The following SYCE1 variants were observed in gnomAD, a reference collection of about 807,000 sequenced individuals.
SYCE1 encodes the protein synaptonemal complex central element protein 1.
In SYCE1, 37 loss-of-function variants were observed where a neutral mutation model predicts 55.1. The observed-to-expected ratio is 0.67, with a 90% CI of 0.52 to 0.88. SYCE1 has a LOEUF of 0.88. Ranked by LOEUF, SYCE1 falls within the 40% of genes least tolerant of loss-of-function variation. The probability of loss-of-function intolerance (pLI) is 0.00; values close to 1 mark genes in which losing one functional copy is unlikely to be tolerated. For synonymous variants in SYCE1, 163 were observed against 159.4 expected (o/e 1.02, Z -0.17); for missense variants, 399 against 416.4 (o/e 0.96, Z 0.36).
At chr10:133,556,949 A>G in intron 7 of SYCE1, 118 bp downstream of exon 7, 1 of 1,483,562 alleles carries the variant, frequency 6.7e-7, no homozygotes, top group Non-Finnish European at 9.4e-7. Context: ...CACTGGGAAC[A>G]TCTTCACCAC....
chr10:133,555,076 C>T lies in SYCE1; in HGVS notation c.972G>A (p.Gly324=), dbSNP rs1851622876. 2.6e-6 allele frequency: 4 copies of T among 1,551,298 alleles called. No individual in the cohort carries two copies. The highest frequency in any genetic ancestry group is 4.9e-5 in the East Asian group (2 of 40,932). The change falls in exon 13 of 13, where the codon GGG becomes GGA. Residue 324 remains glycine, a synonymous_variant. Coordinates refer to ENST00000343131, the MANE Select transcript of SYCE1 (RefSeq NM_001143764.3). ...CCTCCTGGCCTATGAGGACATCAGG[C>T]CCTGCTTGGTGTGCAGCTCCAGGTC... ...GERPGAAHQA[G]PDVLIGQEDT...
At chr10:133,564,198 A>G (rs915253797) in intron 1 of SYCE1, among the ~76,000 whole-genome samples, 2 of 152,162 alleles carry the variant, frequency 1.3e-5, no homozygotes, top group Non-Finnish European at 2.9e-5. Flanking sequence ...TAGTGCCCTT[A>G]TAAGACCAGA....
chr10:133,554,330 TGTC>T (rs1564854166), downstream of SYCE1: 1 of 1,614,032 alleles, frequency 6.2e-7, no homozygotes. Flanking sequence ...TCTGGGAGCC[TGTC>T]AAGAAAAGGG....
At chr10:133,567,329 G>A (rs1263652437), upstream of SYCE1, among the ~76,000 whole-genome samples, 1 of 151,652 alleles carries the variant, frequency 6.6e-6, no homozygotes, top group Non-Finnish European at 1.5e-5. Flanking sequence ...TTAGGCTTAG[G>A]GTTTAGTGCT....
intron 1 of SYCE1, among the ~76,000 whole-genome samples, chr10:133,564,834 G>A (rs554712435): frequency 1.4e-4 from 21 of 152,330 alleles, no homozygotes; most frequent in Admixed American, 3.3e-4. Context: ...GTCCTGAAGT[G>A]GAAACGGCCA....
At position 133,555,112 on chromosome 10, in the gene SYCE1, T is replaced by C. The variant is rs1851624325; in HGVS notation, c.936A>G (p.Leu312=). The change falls in exon 13 of 13, where the codon CTA becomes CTG. Residue 312 remains leucine (L), a synonymous_variant. Coordinates refer to ENST00000343131, the MANE Select transcript of SYCE1 (RefSeq NM_001143764.3). ...GPGDVASPKP[L]KGERPGAAHQ... Reference sequence around the variant, plus strand: ...GTGCAGCTCCAGGTCTTTCTCCTTTTAGGGGCTTGGGACTGGCCTGCAGGA... The same window carrying C: ...GTGCAGCTCCAGGTCTTTCTCCTTTCAGGGGCTTGGGACTGGCCTGCAGGA... The C allele has an allele frequency of 6.5e-7, 1 of 1,550,066 alleles. No individual in the cohort carries two copies. The highest frequency in any genetic ancestry group is 8.7e-7 in the Non-Finnish European group (1 of 1,146,564).
chr10:133,566,612 G>GT (rs770657802), upstream of SYCE1, among the ~76,000 whole-genome samples: 3 of 100,500 alleles, frequency 3.0e-5, no homozygotes, highest in Non-Finnish European at 7.1e-5. Flanking sequence ...TGGGGTTAGG[G>GT]TATTGGGGTT....
intron 6 of SYCE1, 148 bp downstream of exon 6, chr10:133,557,716 G>A: frequency 3.7e-6 from 3 of 819,894 alleles, no homozygotes; most frequent in Non-Finnish European, 5.9e-6. Flanking sequence ...CCAGCTGTTG[G>A]AGCCGAAGGG....
upstream of SYCE1, chr10:133,565,708 G>A (rs1167849344): frequency 1.7e-6 from 1 of 590,508 alleles, no homozygotes; most frequent in Non-Finnish European, 2.8e-6. Flanking sequence ...ATGCGTAAAG[G>A]CGCGAGGGCT....
At position 133,560,092 on chromosome 10, in the gene SYCE1, T is replaced by A; in HGVS notation, c.135A>T (p.Lys45Asn). Residue 45 changes from lysine to asparagine, a missense_variant and splice_region_variant, in exon 2 of 13, where the codon AAA (lysine) becomes AAT (asparagine). Transcript: ENST00000343131. ...CCTCACACAAAGGAGACACACGACC[T>A]TTCTGCAGCTTTTGCACCATTTCCA... is the stretch of plus-strand genomic sequence containing the variant. ...DLMEMVQKLQ[K>N]VGSLEPRVEV... The A allele has an allele frequency of 6.2e-7, 1 of 1,614,042 alleles. No individual in the cohort carries two copies. The highest frequency in any genetic ancestry group is 8.5e-7 in the Non-Finnish European group (1 of 1,179,930).
chr10:133,554,388 G>C, downstream of SYCE1: 1 of 1,486,094 alleles, frequency 6.7e-7, no homozygotes, highest in Non-Finnish European at 9.4e-7. Flanking sequence ...AGGAGATGCA[G>C]ACTTTGACTC....
At position 133,555,626 on chromosome 10, in the gene SYCE1, C is replaced by T; in HGVS notation, c.801G>A (p.Lys267=). Residue 267 remains lysine, a synonymous_variant, in exon 11 of 13, where the codon AAG becomes AAA. Coordinates refer to ENST00000343131, the MANE Select transcript of SYCE1 (RefSeq NM_001143764.3). ...AAQRHQQLQQ[K]CQQQQQKRQR... is the part of the protein sequence containing the mutation. Reference sequence around the variant, plus strand: ...GCCGCTTCTGCTGCTGTTGTTGGCACTTCTGCTGCAGCTGCTGGTGGCGCT... The same window carrying T: ...GCCGCTTCTGCTGCTGTTGTTGGCATTTCTGCTGCAGCTGCTGGTGGCGCT... 1 of 1,606,174 alleles carries T rather than the reference C, an allele frequency of 6.2e-7. No individual in the cohort carries two copies. Among genetic ancestry groups the T allele is most frequent in the Non-Finnish European group, 8.5e-7 (1 of 1,179,786 alleles).
chr10:133,567,298 G>A (rs1430060386), upstream of SYCE1, among the ~76,000 whole-genome samples: 2 of 151,762 alleles, frequency 1.3e-5, no homozygotes, highest in African/African-American at 4.8e-5. Flanking sequence ...ATGGGTTAGT[G>A]TTAGCAGTTA....
rs1051609655 is a variant in SYCE1 at position 133,558,303 on chromosome 10, C to A, written c.272-89G>T. 13 of 1,477,922 alleles carry A rather than the reference C, an allele frequency of 8.8e-6. No individual in the cohort carries two copies. The African/African-American group carries it at 1.7e-4, about 19-fold the overall frequency. The allele number at this position is 1,477,922 out of a possible 1,614,324, so 91.6% of individuals were successfully genotyped here. A position where few individuals can be genotyped will look rare whatever the true frequency, so the allele number is the denominator to read the frequency against. The stretch of plus-strand genomic sequence containing the variant: ...GCTCACGGTCACATGGGAAGCTGGG[C>A]ACAGCCTTGGCCCCAACCCAAATGT... On this transcript the variant is annotated intron_variant, in intron 4 of 12. Coordinates refer to ENST00000343131, the MANE Select transcript of SYCE1 (RefSeq NM_001143764.3).
At chr10:133,559,496 C>A (rs556588777) in intron 2 of SYCE1, 136 bp from the exon 3 acceptor site, 2 of 800,258 alleles carry the variant, frequency 2.5e-6, no homozygotes, top group East Asian at 2.6e-5. Flanking sequence ...GGGGCCCTCA[C>A]GGGGCTCACG....
chr10:133,565,613 A>G (rs1851914433), upstream of SYCE1: 2 of 1,399,782 alleles, frequency 1.4e-6, no homozygotes, highest in Non-Finnish European at 1.9e-6. Context: ...GCAGGACTCC[A>G]GGCAGCGCGC....
rs192116448 is a variant in SYCE1, at chr10:133,564,428, T to C, written c.73+1029A>G. 2,731 of 985,322 alleles carry C rather than the reference T, an allele frequency of 2.8e-3. 13 individuals are homozygous for C. Among genetic ancestry groups the C allele is most frequent in the Non-Finnish European group, 3.2e-3 (2,628 of 829,872 alleles). The allele number at this position is 985,322 out of a possible 1,614,324, so 61.0% of individuals were successfully genotyped here. A position where few individuals can be genotyped will look rare whatever the true frequency, so the allele number is the denominator to read the frequency against. On this transcript the variant is annotated intron_variant, in intron 1 of 12. Transcript: ENST00000343131. ...AATATACTAGGTTATGTGAGGAACATGGAGCCATGATACTGAAAGGCTAGC... is the reference window on the plus strand; with the variant it reads ...AATATACTAGGTTATGTGAGGAACACGGAGCCATGATACTGAAAGGCTAGC...
upstream of SYCE1, chr10:133,568,115 G>C: frequency 1.3e-6 from 1 of 751,380 alleles, no homozygotes; most frequent in Non-Finnish European, 2.3e-6. Flanking sequence ...CAGCCCCAGG[G>C]CACTGAGGGC....
chr10:133,566,684 G>A (rs1851945848), upstream of SYCE1, among the ~76,000 whole-genome samples: 1 of 151,426 alleles, frequency 6.6e-6, no homozygotes, highest in Admixed American at 6.6e-5. Flanking sequence ...ATTTGGCTAA[G>A]GTTTGTAAGG....
Sources: gnomAD v4.1 joint callset for allele counts (sites outside exome capture counted in the v4.1 genomes callset) on GRCh38, gnomAD v4.1.1 for gene constraint, MANE v1.5 for transcripts, NCBI Gene and HGNC (gene_info 2026-07-23, HGNC 2026-07-21) for gene names.